Variants in CDR2 observed in about 807,000 individuals in gnomAD.
CDR2 encodes cerebellar degeneration related protein 2.
In CDR2, 34 loss-of-function variants were observed where a neutral mutation model predicts 48.4. That is an observed-to-expected ratio of 0.70 (90% CI 0.53 to 0.94). The LOEUF is 0.94. Ranked by LOEUF, CDR2 falls within the 40% of genes least tolerant of loss-of-function variation. The probability of loss-of-function intolerance (pLI) is 0.00; values close to 1 mark genes in which losing one functional copy is unlikely to be tolerated. For missense variants in CDR2, 498 were observed against 549.5 expected, an observed-to-expected ratio of 0.91 and a Z score of 0.94; for synonymous variants, 240 against 219.7, an observed-to-expected ratio of 1.09 and a Z score of -0.82.
chr16:22,368,180 A>C (rs1401022050), intron 1 of CDR2, among the ~76,000 whole-genome samples: 2 of 152,206 alleles, frequency 1.3e-5, no homozygotes, highest in Non-Finnish European at 2.9e-5. Flanking sequence ...CAAAGCATTT[A>C]AGAGACATTA....
At chr16:22,349,535 G>T (rs1380364344) in intron 3 of CDR2, 92 bp from the exon 4 acceptor site, 11 of 1,453,642 alleles carry the variant, frequency 7.6e-6, no homozygotes, top group Non-Finnish European at 1.0e-5. Flanking sequence ...CACTCACACT[G>T]GGCTTTCTTA....
intron 1 of CDR2, among the ~76,000 whole-genome samples, chr16:22,369,428 T>C (rs1163544322): frequency 2.0e-5 from 3 of 152,194 alleles, no homozygotes; most frequent in African/African-American, 7.2e-5. Flanking sequence ...ACCTCTTCCC[T>C]GCTCCTGCAG....
intron 2 of CDR2, 102 bp from the exon 3 acceptor site, chr16:22,349,951 G>T: frequency 9.5e-7 from 1 of 1,055,034 alleles, no homozygotes. Flanking sequence ...CACTTTGGGA[G>T]GCCAAGACGT....
At position 22,355,106 on chromosome 16, in the gene CDR2, C is replaced by T. The variant is rs563297085; in HGVS notation, c.193-5257G>A. 4.6e-5 allele frequency among the ~76,000 whole-genome samples: 7 copies of T among 152,320 alleles called. No homozygotes were observed. The South Asian group carries it at 1.4e-3, about 32-fold the overall frequency. ...GGCATCTCAAGTATACATCTTCATA[C>T]ATTTCTAGGACGTTTTATTTTAACC... On this transcript the variant is annotated intron_variant, in intron 2 of 4. Transcript: ENST00000268383.
At chr16:22,351,192 T>A (rs2048939292) in intron 2 of CDR2, among the ~76,000 whole-genome samples, 1 of 152,232 alleles carries the variant, frequency 6.6e-6, no homozygotes, top group East Asian at 1.9e-4. Context: ...GGACATGAAC[T>A]CATCCTTTTT....
chr16:22,360,159 A>G (rs909509462), intron 2 of CDR2, among the ~76,000 whole-genome samples: 1 of 152,208 alleles, frequency 6.6e-6, no homozygotes, highest in Non-Finnish European at 1.5e-5. Flanking sequence ...CGGTTGTAGC[A>G]AAGTGTAAAT....
intron 2 of CDR2, among the ~76,000 whole-genome samples, chr16:22,358,697 A>G (rs1378285785): frequency 6.6e-6 from 1 of 152,228 alleles, no homozygotes; most frequent in East Asian, 1.9e-4. Flanking sequence ...AACTTCCACA[A>G]TAATAAAGAA....
chr16:22,359,957 CAGT>C (rs2049000648), intron 2 of CDR2, among the ~76,000 whole-genome samples: 1 of 152,162 alleles, frequency 6.6e-6, no homozygotes, highest in Non-Finnish European at 1.5e-5. Flanking sequence ...GTATCATATG[CAGT>C]AGAATATTGA....
chr16:22,371,848 A>ATGTGTGTGTGTGTG (rs56274013), intron 1 of CDR2, among the ~76,000 whole-genome samples: 2 of 148,446 alleles, frequency 1.3e-5, no homozygotes, highest in South Asian at 2.2e-4. Flanking sequence ...AGGTTCAGAT[A>ATGTGTGTGTGTGTG]TGTGTGTGTG....
intron 1 of CDR2, among the ~76,000 whole-genome samples, chr16:22,371,655 C>T (rs2049077508): frequency 6.6e-6 from 1 of 152,112 alleles, no homozygotes; most frequent in Admixed American, 6.5e-5. Flanking sequence ...GAAAGGATAC[C>T]CTTTTATTCA....
intron 2 of CDR2, among the ~76,000 whole-genome samples, chr16:22,356,726 C>G (rs2048976344): frequency 6.6e-6 from 1 of 151,912 alleles, no homozygotes; most frequent in South Asian, 2.1e-4. Flanking sequence ...GCACTCCAGC[C>G]TGGGGGACAA....
At chr16:22,367,863 T>C (rs1166198018) in intron 1 of CDR2, among the ~76,000 whole-genome samples, 2 of 152,220 alleles carry the variant, frequency 1.3e-5, no homozygotes, top group African/African-American at 2.4e-5. Flanking sequence ...TGTTGGTAGA[T>C]AGGTGCTAAA....
At chr16:22,350,269 G>A (rs768895172) in intron 2 of CDR2, among the ~76,000 whole-genome samples, 2 of 152,108 alleles carry the variant, frequency 1.3e-5, no homozygotes, top group Admixed American at 6.5e-5. Context: ...TTGTTGGGGT[G>A]GGGCTGACAT....
chr16:22,371,449 C>T (rs2049075253), intron 1 of CDR2, among the ~76,000 whole-genome samples: 1 of 152,210 alleles, frequency 6.6e-6, no homozygotes, highest in Non-Finnish European at 1.5e-5. Flanking sequence ...CTCCAGGCTT[C>T]TCTAGTGAAC....
chr16:22,351,317 T>A (rs1490786742), intron 2 of CDR2, among the ~76,000 whole-genome samples: 1 of 152,216 alleles, frequency 6.6e-6, no homozygotes, highest in Non-Finnish European at 1.5e-5. Context: ...AGTGCCGCAA[T>A]AAACATACGT....
chr16:22,346,830 G>T lies in CDR2; in HGVS notation c.*135C>A. 2.2e-6 allele frequency: 2 copies of T among 925,130 alleles called. No homozygotes were observed. Among genetic ancestry groups the T allele is most frequent in the Non-Finnish European group, 1.7e-6 (1 of 598,636 alleles). 57.3% of individuals were successfully genotyped at this position (925,130 alleles called of 1,614,324 possible). On this transcript the variant is annotated 3_prime_UTR_variant, in exon 5 of 5. Coordinates refer to ENST00000268383, the MANE Select transcript of CDR2 (RefSeq NM_001802.2). Reference sequence around the variant, plus strand: ...TAGCCACCTCCTTTCCTCGTTGTATGCATTTGCTAAATAAGCAAAGCAATG... The same window carrying T: ...TAGCCACCTCCTTTCCTCGTTGTATTCATTTGCTAAATAAGCAAAGCAATG...
At chr16:22,361,740 A>C (rs1379329471) in intron 2 of CDR2, among the ~76,000 whole-genome samples, 1 of 152,220 alleles carries the variant, frequency 6.6e-6, no homozygotes, top group African/African-American at 2.4e-5. Context: ...ATTCTTAGCC[A>C]AAAACAGCTT....
In CDR2 at chr16:22,347,742, C is replaced by T. The variant is rs777650420; in HGVS notation, c.588G>A (p.Glu196=). The T allele has an allele frequency of 2.5e-6, 4 of 1,614,096 alleles. No individual in the cohort carries two copies. Among genetic ancestry groups the T allele is most frequent in the Admixed American group, 3.3e-5 (2 of 60,008 alleles). ...GQPSPDEEEN[E]HLKKTVTMLQ... ...ACATTGTCACTGTTTTTTTCAAGTG[C>T]TCATTTTCCTCTTCATCAGGGCTTG... The change falls in exon 5 of 5, where the codon GAG becomes GAA. Residue 196 remains glutamate (E), a synonymous_variant. Transcript: ENST00000268383.
intron 1 of CDR2, chr16:22,369,093 G>A (rs2049060244): frequency 6.6e-6 from 1 of 152,032 alleles, no homozygotes; most frequent in African/African-American, 2.4e-5. Flanking sequence ...TGTGTGAAGT[G>A]GTAATTCCTC....
Sources: allele counts gnomAD v4.1 joint callset (sites outside exome capture counted in the v4.1 genomes callset), GRCh38; gene constraint gnomAD v4.1.1; transcripts MANE v1.5; gene names NCBI Gene and HGNC (gene_info 2026-07-23, HGNC 2026-07-21).